The following MYO9B variants were observed in gnomAD, a reference collection of about 807,000 sequenced individuals.
MYO9B encodes myosin IXB.
Under a neutral mutation model 229.5 loss-of-function variants are expected in MYO9B, and 71 were observed. The observed-to-expected ratio is 0.31, with a 90% CI of 0.26 to 0.38. The LOEUF is 0.38. MYO9B is among the 10% of genes least tolerant of loss of function. The pLI is 1.00. For synonymous variants in MYO9B, 1,185 were observed against 1,235.8 expected (o/e 0.96, Z 0.86); for missense variants, 2,255 against 2,920.5 (o/e 0.77, Z 5.25).
chr19:17,082,592 C>T (rs925231564), intron 1 of MYO9B, among the ~76,000 whole-genome samples: 2 of 151,920 alleles, frequency 1.3e-5, no homozygotes, highest in African/African-American at 4.8e-5. Context: ...TGGGTACTCA[C>T]GTGGGGCTTT....
At chr19:17,151,902 C>T (rs768228985) in intron 3 of MYO9B, among the ~76,000 whole-genome samples, 6 of 152,052 alleles carry the variant, frequency 3.9e-5, no homozygotes, top group African/African-American at 1.2e-4. Flanking sequence ...TGCGTCAAAA[C>T]GAATGCTGGG....
In MYO9B at chr19:17,163,267, C is replaced by T. The variant is rs888423853; in HGVS notation, c.1671+145C>T. 8 of 881,854 alleles carry T rather than the reference C, an allele frequency of 9.1e-6. No individual in the cohort carries two copies. In the African/African-American group the frequency reaches 1.4e-4, roughly 15 times the overall value. The allele number at this position is 881,854 out of a possible 1,614,324, so 54.6% of individuals were successfully genotyped here. A position where few individuals can be genotyped will look rare whatever the true frequency, so the allele number is the denominator to read the frequency against. ...CGCATTGTTATGCAAACGCCACCAC[C>T]ATACATCTCCAGAACTCTTTCATTT... is the stretch of plus-strand genomic sequence containing the variant. On this transcript the variant is annotated intron_variant, in intron 10 of 39. Transcript: ENST00000682292.
intron 2 of MYO9B, among the ~76,000 whole-genome samples, chr19:17,127,709 C>G (rs2072142308): frequency 6.6e-6 from 1 of 152,226 alleles, no homozygotes; most frequent in Non-Finnish European, 1.5e-5. Flanking sequence ...ACTTTGCAGA[C>G]CCCCGGTAGA....
chr19:17,104,735 A>AAAGAAAC (rs1555801861), intron 2 of MYO9B, among the ~76,000 whole-genome samples: 26 of 150,964 alleles, frequency 1.7e-4, no homozygotes, highest in Non-Finnish European at 3.1e-4. Context: ...TCCGCTTAAA[A>AAAGAAAC]AAAAAACAAA....
intron 22 of MYO9B, among the ~76,000 whole-genome samples, chr19:17,196,118 A>G (rs1228095618): frequency 2.0e-5 from 2 of 99,372 alleles, no homozygotes; most frequent in Non-Finnish European, 3.8e-5. Flanking sequence ...GGAGGGAGGG[A>G]GAGAGAGAGA....
chr19:17,140,432 A>G (rs945676675), intron 2 of MYO9B, among the ~76,000 whole-genome samples: 2 of 151,796 alleles, frequency 1.3e-5, no homozygotes, highest in African/African-American at 4.8e-5. Flanking sequence ...GGCCCCATGT[A>G]AGTGACCTCA....
chr19:17,085,512 G>A (rs575255085), intron 1 of MYO9B, among the ~76,000 whole-genome samples: 39 of 152,154 alleles, frequency 2.6e-4, no homozygotes, highest in African/African-American at 7.2e-4. Flanking sequence ...AAAGGTACAG[G>A]GTTTCTTTTT....
At chr19:17,179,420 ATTTTTTTTTTTT>A (rs747998068) in intron 14 of MYO9B, among the ~76,000 whole-genome samples, 1 of 86,668 alleles carries the variant, frequency 1.2e-5, no homozygotes, top group East Asian at 3.3e-4. Flanking sequence ...GCCCCAACTG[ATTTTTTTTTTTT>A]TTTTTTTTTT....
At position 17,211,514 on chromosome 19, in the gene MYO9B, A is replaced by T. The variant is rs887543164; in HGVS notation, c.5931-133A>T. On this transcript the variant is annotated intron_variant, in intron 38 of 39. Transcript: ENST00000682292. ...GGGTTCAAACTCCTGGGCTCAAGCA[A>T]TCCTCCTGCTTGGGGTGGGGGGAGG... The T allele has an allele frequency of 3.2e-5, 27 of 844,462 alleles. 1 individual carries two copies. Among genetic ancestry groups the T allele is most frequent in the Non-Finnish European group, 4.3e-5 (24 of 559,588 alleles). 52.3% of individuals were successfully genotyped at this position (844,462 alleles called of 1,614,324 possible).
At chr19:17,209,564 C>T in intron 35 of MYO9B, 22 bp from the exon 36 acceptor site, 1 of 1,570,474 alleles carries the variant, frequency 6.4e-7, no homozygotes, top group Non-Finnish European at 8.6e-7. Context: ...GAGTCACTTC[C>T]TCCCGTGGGC....
At chr19:17,131,943 A>T (rs1362021515) in intron 2 of MYO9B, among the ~76,000 whole-genome samples, 1 of 152,040 alleles carries the variant, frequency 6.6e-6, no homozygotes, top group Non-Finnish European at 1.5e-5. Flanking sequence ...GTAATGGCAC[A>T]ATCATGGCTC....
chr19:17,159,286 C>G lies in MYO9B; in HGVS notation c.1330-109C>G. On this transcript the variant is annotated intron_variant, in intron 7 of 39. Transcript: ENST00000682292. ...ACTTCTAGGCCTGGCTGCTGGGGGTCCGTCTCCCAGCTGCCTCAGGCTCCG... is the reference window on the plus strand; with the variant it reads ...ACTTCTAGGCCTGGCTGCTGGGGGTGCGTCTCCCAGCTGCCTCAGGCTCCG... The G allele has an allele frequency of 4.2e-6, 4 of 959,804 alleles. No individual in the cohort carries two copies. In the South Asian group the frequency reaches 4.4e-5, roughly 11 times the overall value. The allele number at this position is 959,804 out of a possible 1,614,324, so 59.5% of individuals were successfully genotyped here. A position where few individuals can be genotyped will look rare whatever the true frequency, so the allele number is the denominator to read the frequency against.
chr19:17,167,544 A>G (rs897685164), intron 10 of MYO9B, among the ~76,000 whole-genome samples: 2 of 149,362 alleles, frequency 1.3e-5, no homozygotes, highest in African/African-American at 2.5e-5. Context: ...TAATGGCGCA[A>G]TCTTGGCTCA....
Position 17,180,913 on chromosome 19 carries a change from AC to A in MYO9B, c.2220-10del. 1 of 1,570,294 alleles carries A rather than the reference AC, an allele frequency of 6.4e-7. No homozygotes were observed. The highest frequency in any genetic ancestry group is 8.7e-7 in the Non-Finnish European group (1 of 1,149,080). ...TTCTTTCTGTCACTGCGCCCCCTCC[AC>A]CCCTCCCCTCAGCGATTTGCATAAC... On this transcript the variant is annotated splice_polypyrimidine_tract_variant and intron_variant, in intron 14 of 39. Coordinates refer to ENST00000682292, the MANE Select transcript of MYO9B (RefSeq NM_004145.4).
intron 10 of MYO9B, among the ~76,000 whole-genome samples, chr19:17,166,922 G>A (rs2072666097): frequency 6.6e-6 from 1 of 151,944 alleles, no homozygotes; most frequent in African/African-American, 2.4e-5. Context: ...TTACTTATTT[G>A]TTATTGTGAA....
At chr19:17,197,296 A>G (rs4808596) in intron 22 of MYO9B, among the ~76,000 whole-genome samples, 79,301 of 150,114 alleles carry the variant, frequency 0.53, 22,794 homozygotes, top group East Asian at 0.76. Context: ...AAAAAGATAG[A>G]TAGAGATGAC....
At chr19:17,144,787 A>G (rs181184843) in intron 2 of MYO9B, among the ~76,000 whole-genome samples, 2 of 151,284 alleles carry the variant, frequency 1.3e-5, no homozygotes, top group Non-Finnish European at 2.9e-5. Context: ...TGGGCAACAC[A>G]GTGAAACCCC....
chr19:17,194,754 C>A lies in MYO9B; in HGVS notation c.3327C>A (p.Ser1109=). The part of the protein sequence containing the change: ...SEPEVQPSDR[S]PLEHSSPEKE... ...CTGAGGTGCAGCCAAGTGACAGGTC[C>A]CCCCTAGAGCACTCCTCACCTGAGA... The change falls in exon 22 of 40, where the codon TCC becomes TCA. Residue 1109 remains serine, a synonymous_variant. Coordinates refer to ENST00000682292, the MANE Select transcript of MYO9B (RefSeq NM_004145.4). 6.2e-7 allele frequency: 1 copy of A among 1,613,158 alleles called. No individual in the cohort carries two copies. Among genetic ancestry groups the A allele is most frequent in the Admixed American group, 1.7e-5 (1 of 60,002 alleles).
rs2145450814 is a variant in MYO9B, at chr19:17,193,136, G to T, written c.3128+74G>T. 1 of 1,393,938 alleles carries T rather than the reference G, an allele frequency of 7.2e-7. No individual in the cohort carries two copies. The highest frequency in any genetic ancestry group is 9.4e-7 in the Non-Finnish European group (1 of 1,064,384). The allele number at this position is 1,393,938 out of a possible 1,614,324, so 86.3% of individuals were successfully genotyped here. A position where few individuals can be genotyped will look rare whatever the true frequency, so the allele number is the denominator to read the frequency against. Reference sequence around the variant, plus strand: ...GGTCACTCACCAAATTGCTGCCCGTGATATACCATCTGGCCTGTGGCACTA... The same window carrying T: ...GGTCACTCACCAAATTGCTGCCCGTTATATACCATCTGGCCTGTGGCACTA... On this transcript the variant is annotated intron_variant, in intron 21 of 39. Coordinates refer to ENST00000682292, the MANE Select transcript of MYO9B (RefSeq NM_004145.4). The surrounding 1 kb of genome is among the most constrained non-coding windows in gnomAD (Gnocchi z 4.3).
Sources: gnomAD v4.1 joint callset for allele counts (sites outside exome capture counted in the v4.1 genomes callset) on GRCh38, gnomAD v4.1.1 for gene constraint, Gnocchi (gnomAD v3.1) non-coding constraint, MANE v1.5 for transcripts, NCBI Gene and HGNC (gene_info 2026-07-23, HGNC 2026-07-21) for gene names.